The following CNTNAP2 variants were observed in gnomAD, a reference collection of about 807,000 sequenced individuals.
CNTNAP2 encodes contactin associated protein 2.
Under a neutral mutation model 155.2 loss-of-function variants are expected in CNTNAP2, and 98 were observed. The ratio of observed to expected loss-of-function variants is 0.63; its 90% CI spans 0.54 to 0.75. The LOEUF (loss-of-function observed/expected upper bound fraction) is 0.75, where lower values mean the gene tolerates loss of function less well. CNTNAP2 is among the 30% of genes least tolerant of loss of function. CNTNAP2 has a pLI of 0.00. For synonymous variants in CNTNAP2, 651 were observed against 631.2 expected (o/e 1.03, Z -0.47); for missense variants, 1,727 against 1,688.1 (o/e 1.02, Z -0.40).
At chr7:146,764,963 T>A (rs1044396124) in intron 1 of CNTNAP2, among the ~76,000 whole-genome samples, 4 of 152,120 alleles carry the variant, frequency 2.6e-5, no homozygotes, top group African/African-American at 9.7e-5. Flanking sequence ...ATTCTGCATA[T>A]TGGGAAAGAA....
chr7:147,485,598 C>T (rs143695518), intron 10 of CNTNAP2, among the ~76,000 whole-genome samples: 6 of 152,254 alleles, frequency 3.9e-5, no homozygotes, highest in Admixed American at 1.3e-4. Flanking sequence ...AGCTTATCTT[C>T]GATCTTTCAC....
chr7:148,406,004 C>G (rs184954193), intron 22 of CNTNAP2, among the ~76,000 whole-genome samples: 1 of 151,838 alleles, frequency 6.6e-6, no homozygotes, highest in Non-Finnish European at 1.5e-5. Context: ...AGGCCAAGAC[C>G]GGCAGATCAC....
intron 1 of CNTNAP2, among the ~76,000 whole-genome samples, chr7:146,382,239 T>A (rs543352591): frequency 6.6e-6 from 1 of 152,136 alleles, no homozygotes; most frequent in Non-Finnish European, 1.5e-5. Flanking sequence ...TCCAGACGTT[T>A]GCATCTTAAC....
At position 148,049,474 on chromosome 7, in the gene CNTNAP2, G is replaced by C. The variant is rs1051699171; in HGVS notation, c.2384-68644G>C. On this transcript the variant is annotated intron_variant, in intron 15 of 23. Transcript: ENST00000361727. ...TTATGATATACAAATTTGGATATAA[G>C]AAAAATTATAAAACCAACAAAATTA... is the stretch of plus-strand genomic sequence containing the variant. 3.3e-5 allele frequency among the ~76,000 whole-genome samples: 5 copies of C among 152,044 alleles called. No individual in the cohort carries two copies. In the East Asian group the frequency reaches 9.7e-4, roughly 29 times the overall value.
At chr7:146,644,109 A>C (rs1218243889) in intron 1 of CNTNAP2, among the ~76,000 whole-genome samples, 1 of 152,218 alleles carries the variant, frequency 6.6e-6, no homozygotes, top group African/African-American at 2.4e-5. Flanking sequence ...GTCTGCAAAC[A>C]GGGACAATTC....
At chr7:147,386,974 C>A (rs1441439051) in intron 9 of CNTNAP2, among the ~76,000 whole-genome samples, 1 of 152,134 alleles carries the variant, frequency 6.6e-6, no homozygotes, top group African/African-American at 2.4e-5. Context: ...CAAGTCACAT[C>A]TTATGTGGAT....
At chr7:147,863,677 T>C (rs77870958) in intron 13 of CNTNAP2, among the ~76,000 whole-genome samples, 91,151 of 151,964 alleles carry the variant, frequency 0.6, 27,653 homozygotes, top group South Asian at 0.74. Flanking sequence ...TCTCTGATGG[T>C]CAGTGATGAT....
In CNTNAP2 at chr7:146,243,635, G is replaced by A. The variant is rs138072049; in HGVS notation, c.97+126662G>A. 3.0e-4 allele frequency among the ~76,000 whole-genome samples: 46 copies of A among 152,210 alleles called. 1 individual carries two copies. Among genetic ancestry groups the A allele is most frequent in the African/African-American group, 1.1e-3 (46 of 41,532 alleles). ...GTGAAAATCATGAATTTTGGATATA[G>A]ATGTGGGTTCGAATTTGAACTTTGT... On this transcript the variant is annotated intron_variant, in intron 1 of 23. Coordinates refer to ENST00000361727, the MANE Select transcript of CNTNAP2 (RefSeq NM_014141.6).
intron 13 of CNTNAP2, among the ~76,000 whole-genome samples, chr7:147,655,384 A>G (rs111434727): frequency 0.12 from 18,325 of 152,238 alleles, 1,436 homozygotes; most frequent in Middle Eastern, 0.24. Context: ...TGGCCTCCCA[A>G]AGTGCTGGGA....
intron 13 of CNTNAP2, among the ~76,000 whole-genome samples, chr7:147,674,890 A>C (rs1795843321): frequency 6.6e-6 from 1 of 152,026 alleles, no homozygotes; most frequent in Non-Finnish European, 1.5e-5. Context: ...TATCTTTCTA[A>C]AAATTATGCA....
chr7:148,026,058 G>T (rs559519373), intron 15 of CNTNAP2, among the ~76,000 whole-genome samples: 75 of 152,312 alleles, frequency 4.9e-4, no homozygotes, highest in Middle Eastern at 3.4e-3. Flanking sequence ...CAAGGGCAGA[G>T]GTTGGACCCT....
At chr7:148,054,406 C>A (rs922994477) in intron 15 of CNTNAP2, among the ~76,000 whole-genome samples, 1 of 146,230 alleles carries the variant, frequency 6.8e-6, no homozygotes, top group African/African-American at 2.5e-5. Flanking sequence ...CTAGACTATA[C>A]AGTCCTTAAA....
intron 1 of CNTNAP2, among the ~76,000 whole-genome samples, chr7:146,246,731 G>A (rs1799664812): frequency 6.6e-6 from 1 of 152,156 alleles, no homozygotes; most frequent in Non-Finnish European, 1.5e-5. Context: ...GCTGCCAGGT[G>A]AGTTGGACAG....
intron 15 of CNTNAP2, among the ~76,000 whole-genome samples, chr7:148,021,298 G>C (rs895952802): frequency 1.3e-5 from 2 of 152,164 alleles, no homozygotes; most frequent in Non-Finnish European, 2.9e-5. Context: ...GGACACGGAA[G>C]AACAATAAGA....
At chr7:146,260,595 C>T (rs116052078) in intron 1 of CNTNAP2, among the ~76,000 whole-genome samples, 6,324 of 152,224 alleles carry the variant, frequency 0.042, 407 homozygotes, top group African/African-American at 0.14. Flanking sequence ...GATTTAATGG[C>T]CAGCCTGCTG....
intron 3 of CNTNAP2, among the ~76,000 whole-genome samples, chr7:146,978,116 C>A (rs1204046394): frequency 6.6e-6 from 1 of 152,126 alleles, no homozygotes; most frequent in Admixed American, 6.6e-5. Flanking sequence ...TATAGTTCAG[C>A]AAACTATTAA....
At chr7:147,377,913 TG>T in intron 9 of CNTNAP2, 1 of 416,608 alleles carries the variant, frequency 2.4e-6, no homozygotes, top group Admixed American at 3.0e-5. Flanking sequence ...AATGTTTAAT[TG>T]GGATGTATTG....
chr7:147,331,555 A>G (rs1334947173), intron 9 of CNTNAP2, among the ~76,000 whole-genome samples: 1 of 152,048 alleles, frequency 6.6e-6, no homozygotes, highest in East Asian at 1.9e-4. Flanking sequence ...CAGCAGTACC[A>G]ACCAAGCAGT....
chr7:146,683,430 T>C (rs1016340997), intron 1 of CNTNAP2, among the ~76,000 whole-genome samples: 3 of 152,230 alleles, frequency 2.0e-5, no homozygotes, highest in Admixed American at 2.0e-4. Context: ...TTAATCTCTT[T>C]ATAGATTATC....
Sources: allele counts gnomAD v4.1 joint callset (sites outside exome capture counted in the v4.1 genomes callset), GRCh38; gene constraint gnomAD v4.1.1; transcripts MANE v1.5; gene names NCBI Gene and HGNC (gene_info 2026-07-23, HGNC 2026-07-21).